MIAT: variants seen among roughly 807,000 people sequenced by gnomAD.
MIAT encodes myocardial infarction associated transcript.
At chr22:26,672,288 T>A (rs1288716723), downstream of MIAT, 1 of 399,036 alleles carries the variant, frequency 2.5e-6, no homozygotes, top group East Asian at 3.6e-5. Flanking sequence ...GGCAAGCAGA[T>A]GACCTGGGGC....
chr22:26,647,244 T>C, exon 2 of MIAT: 1 of 398,472 alleles, frequency 2.5e-6, no homozygotes, highest in Non-Finnish European at 4.4e-6. Context: ...CTGGCAAACA[T>C]ATGTGGAAGG....
chr22:26,653,524 C>G, intron 2 of MIAT, among the ~76,000 whole-genome samples: 1 of 152,086 alleles, frequency 6.6e-6, no homozygotes, highest in East Asian at 1.9e-4. Flanking sequence ...TGTACGTAGG[C>G]TAGGATAATT....
At chr22:26,675,254 A>G in exon 5 of MIAT, 1 of 398,846 alleles carries the variant, frequency 2.5e-6, no homozygotes, top group Non-Finnish European at 4.4e-6. Flanking sequence ...GGTGGACACC[A>G]GTTTCTGGGG....
downstream of MIAT, chr22:26,670,462 G>A: frequency 7.5e-6 from 3 of 398,508 alleles, no homozygotes; most frequent in East Asian, 7.1e-5. Flanking sequence ...AGACCCCAGA[G>A]AGGGCTGCTG....
chr22:26,659,497 C>T (rs1930579301), intron 2 of MIAT, among the ~76,000 whole-genome samples: 1 of 152,002 alleles, frequency 6.6e-6, no homozygotes, highest in African/African-American at 2.4e-5. Context: ...AACCATAACC[C>T]CTTACCGCCA....
downstream of MIAT, chr22:26,674,315 T>G: frequency 2.5e-6 from 1 of 398,568 alleles, no homozygotes; most frequent in East Asian, 3.6e-5. Context: ...GGAACGTCCT[T>G]TGGGAGTAGA....
chr22:26,666,027 T>G (rs1400997991), exon 4 of MIAT: 3 of 398,444 alleles, frequency 7.5e-6, no homozygotes, highest in Non-Finnish European at 1.3e-5. Flanking sequence ...GGCCTTAGAG[T>G]TAAGTGAAGA....
At chr22:26,668,277 G>T (rs576456106) in exon 6 of MIAT, 2 of 398,646 alleles carry the variant, frequency 5.0e-6, no homozygotes, top group Non-Finnish European at 8.8e-6. Flanking sequence ...TTTCTAGCCC[G>T]CTGGGTGACT....
intron 2 of MIAT, among the ~76,000 whole-genome samples, chr22:26,648,838 G>T (rs554543534): frequency 6.6e-6 from 1 of 152,096 alleles, no homozygotes; most frequent in Admixed American, 6.5e-5. Flanking sequence ...TAACTAACCA[G>T]GTATAAGAAC....
intron 2 of MIAT, among the ~76,000 whole-genome samples, chr22:26,655,067 G>A (rs535502132): frequency 1.3e-5 from 2 of 152,290 alleles, no homozygotes; most frequent in South Asian, 4.1e-4. Flanking sequence ...CTGATAGTGG[G>A]CTGCATACTC....
chr22:26,673,667 G>T (rs772771022), downstream of MIAT: 14 of 213,850 alleles, frequency 6.5e-5, no homozygotes, highest in African/African-American at 5.7e-4. Flanking sequence ...GCTAACACAG[G>T]TTTGAACTTG....
chr22:26,671,110 C>G (rs894859799), downstream of MIAT: 1 of 398,500 alleles, frequency 2.5e-6, no homozygotes, highest in Non-Finnish European at 4.4e-6. Context: ...CAGAGTGTAA[C>G]AGGATCCAGC....
At chr22:26,652,322 T>G (rs1170388801) in intron 2 of MIAT, among the ~76,000 whole-genome samples, 1 of 152,104 alleles carries the variant, frequency 6.6e-6, no homozygotes, top group African/African-American at 2.4e-5. Context: ...TTAGATTATG[T>G]GAATTTCCTA....
chr22:26,653,328 C>T (rs535541096), intron 2 of MIAT, among the ~76,000 whole-genome samples: 2 of 152,230 alleles, frequency 1.3e-5, no homozygotes, highest in Non-Finnish European at 2.9e-5. Context: ...CAGTTCACGG[C>T]TTGTCCCGAG....
intron 5 of MIAT, chr22:26,667,891 G>A (rs1045342637): frequency 1.3e-4 from 36 of 280,020 alleles, no homozygotes; most frequent in Non-Finnish European, 1.2e-4. Context: ...GGCTGGTCTC[G>A]AACTCCTGGG....
chr22:26,646,580 C>T (rs987608099), exon 1 of MIAT: 13 of 398,420 alleles, frequency 3.3e-5, no homozygotes, highest in African/African-American at 2.3e-4. Flanking sequence ...ATTGTTGAGA[C>T]TGAAATTTGG....
exon 6 of MIAT, chr22:26,669,219 G>A (rs1602370245): frequency 2.5e-6 from 1 of 398,766 alleles, no homozygotes; most frequent in Non-Finnish European, 4.4e-6. Flanking sequence ...AAAGCCAGAT[G>A]TCCTTTTTCC....
At chr22:26,657,279 T>G (rs1357579647) in intron 2 of MIAT, 16 of 383,364 alleles carry the variant, frequency 4.2e-5, no homozygotes, top group Non-Finnish European at 6.9e-5. Flanking sequence ...CTAGCCCCTT[T>G]GTGCGGCGGG....
downstream of MIAT, chr22:26,670,602 T>TAAAA (rs34401113): frequency 2.2e-3 from 693 of 309,776 alleles, 2 homozygotes; most frequent in African/African-American, 8.0e-3. Context: ...CATTGCTCCT[T>TAAAA]AAAAAAAAAA....
Sources: gnomAD v4.1 joint callset for allele counts (sites outside exome capture counted in the v4.1 genomes callset) on GRCh38, gnomAD v4.1.1 for gene constraint, MANE v1.5 for transcripts, NCBI Gene and HGNC (gene_info 2026-07-23, HGNC 2026-07-21) for gene names.